Variants in ZYX observed in about 807,000 individuals in gnomAD.
ZYX encodes zyxin-2.
ZYX carries 37 observed loss-of-function variants against 58.1 expected under a neutral mutation model. That is an observed-to-expected ratio of 0.64 (90% CI 0.49 to 0.84). ZYX has a LOEUF of 0.84. Among genes scored for constraint, ZYX ranks in the 40% least tolerant of loss-of-function variants. ZYX has a pLI of 0.00. For synonymous variants in ZYX, 324 were observed against 321.1 expected (o/e 1.01, Z -0.10); for missense variants, 762 against 761.6 (o/e 1.00, Z -0.01).
chr7:143,382,629 G>T lies in ZYX; in HGVS notation c.445G>T (p.Asp149Tyr). Residue 149 changes from aspartate (D) to tyrosine (Y), a missense_variant, in exon 4 of 10, where the codon GAC (aspartate) becomes TAC (tyrosine). Coordinates refer to ENST00000322764, the MANE Select transcript of ZYX (RefSeq NM_003461.5). ...EKVSSIDLEI[D>Y]SLSSLLDDMT... ...GGTGAGCAGTATTGATTTGGAGATCGACTCTCTGTCCTCACTGCTGGATGA... is the reference window on the plus strand; with the variant it reads ...GGTGAGCAGTATTGATTTGGAGATCTACTCTCTGTCCTCACTGCTGGATGA... 4 of 1,614,062 alleles carry T rather than the reference G, an allele frequency of 2.5e-6. No homozygotes were observed. The highest frequency in any genetic ancestry group is 2.2e-5 in the East Asian group (1 of 44,866).
Position 143,384,849 on chromosome 7 carries a change from G to C in ZYX, c.1023+1527G>C, listed in dbSNP as rs11772895. Among the ~76,000 whole-genome samples, 35,395 of 152,036 alleles carry C rather than the reference G, an allele frequency of 0.23. 4,568 individuals are homozygous for C. Among genetic ancestry groups the C allele is most frequent in the Non-Finnish European group, 0.29 (19,659 of 67,954 alleles). ...AGGGGAAATGGTTTGGACGGGAAGA[G>C]GAGGGGTCCAGCTGTCAACGTTTTG... On this transcript the variant is annotated intron_variant, in intron 5 of 9. Coordinates refer to ENST00000322764, the MANE Select transcript of ZYX (RefSeq NM_003461.5). This position sits in a 1 kb window ranked among gnomAD's most constrained non-coding sequence, Gnocchi z 4.9.
At position 143,388,870 on chromosome 7, in the gene ZYX, G is replaced by A; in HGVS notation, c.1418G>A (p.Cys473Tyr). The A allele has an allele frequency of 6.2e-7, 1 of 1,613,918 alleles. No homozygotes were observed. Among genetic ancestry groups the A allele is most frequent in the Non-Finnish European group, 8.5e-7 (1 of 1,179,970 alleles). ...YHPHCFTCVV[C>Y]ARPLEGTSFI... ...CCGCACTGCTTCACCTGTGTGGTCT[G>A]CGCCCGCCCCCTGGAGGGCACCTCC... is the stretch of plus-strand genomic sequence containing the variant. Residue 473 changes from cysteine to tyrosine, a missense_variant, in exon 8 of 10, where the codon TGC (cysteine) becomes TAC (tyrosine). By Grantham distance (194) the Cys-to-Tyr change is radical (BLOSUM62 -2). Transcript: ENST00000322764. The surrounding 1 kb of genome is among the most constrained non-coding windows in gnomAD (Gnocchi z 7.5).
rs1805025969 is a variant in ZYX, at chr7:143,390,327, G to A, written c.1615-251G>A. The A allele has an allele frequency of 1.8e-6, 1 of 567,268 alleles. No individual in the cohort carries two copies. Among genetic ancestry groups the A allele is most frequent in the Admixed American group, 3.1e-5 (1 of 32,508 alleles). 35.1% of individuals were successfully genotyped at this position (567,268 alleles called of 1,614,324 possible). ...GAGCCAACCTCTATTTTATTAGGGT[G>A]GTGGTGGGCAGGGGAGCAAGCACCT... On this transcript the variant is annotated intron_variant, in intron 9 of 9. Transcript: ENST00000322764. This position sits in a 1 kb window ranked among gnomAD's most constrained non-coding sequence, Gnocchi z 4.3.
rs1382492108 is a variant in ZYX at position 143,381,745 on chromosome 7, C to T, written c.174C>T (p.Gly58=). The part of the protein sequence containing the change: ...PAPGAQRAQM[G]RVGEIPPPPP... The stretch of plus-strand genomic sequence containing the variant: ...CCGGGGCCCAGCGCGCACAGATGGG[C>T]CGGGTGGGCGAGATTCCCCCGCCGC... Residue 58 remains glycine (G), a synonymous_variant, in exon 2 of 10, where the codon GGC becomes GGT. Coordinates refer to ENST00000322764, the MANE Select transcript of ZYX (RefSeq NM_003461.5). 1 of 1,590,916 alleles carries T rather than the reference C, an allele frequency of 6.3e-7. No homozygotes were observed.
In ZYX at chr7:143,384,738, G is replaced by T. The variant is rs1022277785; in HGVS notation, c.1023+1416G>T. On this transcript the variant is annotated intron_variant, in intron 5 of 9. Transcript: ENST00000322764. This position sits in a 1 kb window ranked among gnomAD's most constrained non-coding sequence, Gnocchi z 4.9. Reference sequence around the variant, plus strand: ...AGCAATTGGAAGACAAGGGTGAGGGGAAGAGGGAAAAAAAAGTCTCCAGCA... The same window carrying T: ...AGCAATTGGAAGACAAGGGTGAGGGTAAGAGGGAAAAAAAAGTCTCCAGCA... Among the ~76,000 whole-genome samples, 10 of 152,120 alleles carry T rather than the reference G, an allele frequency of 6.6e-5. No homozygotes were observed. The highest frequency in any genetic ancestry group is 2.4e-4 in the African/African-American group (10 of 41,420).
At chr7:143,385,656 A>ATTTTTTTT (rs1261838329) in intron 5 of ZYX, among the ~76,000 whole-genome samples, 2 of 93,280 alleles carry the variant, frequency 2.1e-5, no homozygotes, top group African/African-American at 3.9e-5. Flanking sequence ...GTGGTGTGGT[A>ATTTTTTTT]TATCTTTTTT....
At chr7:143,385,658 A>ATTTTTTTTT (rs1804832372) in intron 5 of ZYX, among the ~76,000 whole-genome samples, 3 of 80,568 alleles carry the variant, frequency 3.7e-5, no homozygotes, top group East Asian at 5.9e-4. Flanking sequence ...GGTGTGGTAT[A>ATTTTTTTTT]TCTTTTTTTT....
chr7:143,390,479 C>A lies in ZYX; in HGVS notation c.1615-99C>A. The A allele has an allele frequency of 1.2e-6, 1 of 868,904 alleles. No homozygotes were observed. The highest frequency in any genetic ancestry group is 1.8e-6 in the Non-Finnish European group (1 of 550,852). 53.8% of individuals were successfully genotyped at this position (868,904 alleles called of 1,614,324 possible). On this transcript the variant is annotated intron_variant, in intron 9 of 9. Coordinates refer to ENST00000322764, the MANE Select transcript of ZYX (RefSeq NM_003461.5). The surrounding 1 kb of genome is among the most constrained non-coding windows in gnomAD (Gnocchi z 4.3). ...ATGACACCAGCTCTGAGCCATGAAGCATCTTTCTAATTCCAAGATGGAGCT... is the reference window on the plus strand; with the variant it reads ...ATGACACCAGCTCTGAGCCATGAAGAATCTTTCTAATTCCAAGATGGAGCT...
At position 143,387,128 on chromosome 7, in the gene ZYX, C is replaced by A. The variant is rs1804889232; in HGVS notation, c.1024-1091C>A. Among the ~76,000 whole-genome samples the A allele has an allele frequency of 6.6e-6, 1 of 152,076 alleles. No individual in the cohort carries two copies. The highest frequency in any genetic ancestry group is 1.5e-5 in the Non-Finnish European group (1 of 68,028). On this transcript the variant is annotated intron_variant, in intron 5 of 9. Coordinates refer to ENST00000322764, the MANE Select transcript of ZYX (RefSeq NM_003461.5). This position sits in a 1 kb window ranked among gnomAD's most constrained non-coding sequence, Gnocchi z 5.8. ...CGAGTCAGTTAAGAGATGGTAGGAT[C>A]TTAAGGGAAGATGGCTAAGATCTTA...
At position 143,383,079 on chromosome 7, in the gene ZYX, G is replaced by C; in HGVS notation, c.780G>C (p.Pro260=). The C allele has an allele frequency of 6.8e-6, 11 of 1,614,134 alleles. No homozygotes were observed. Among genetic ancestry groups the C allele is most frequent in the Non-Finnish European group, 9.3e-6 (11 of 1,180,036 alleles). Reference sequence around the variant, plus strand: ...CCCGAGGGCCCCCAGCCTCATCTCCGGCTCCAGCCCCTAAGTTTTCTCCAG... The same window carrying C: ...CCCGAGGGCCCCCAGCCTCATCTCCCGCTCCAGCCCCTAAGTTTTCTCCAG... ...TQPRGPPASS[P]APAPKFSPVT... The change falls in exon 5 of 10, where the codon CCG becomes CCC. Residue 260 remains proline (P), a synonymous_variant. Coordinates refer to ENST00000322764, the MANE Select transcript of ZYX (RefSeq NM_003461.5).
chr7:143,385,062 G>A (rs960389242), intron 5 of ZYX, among the ~76,000 whole-genome samples: 1 of 152,132 alleles, frequency 6.6e-6, no homozygotes, highest in Non-Finnish European at 1.5e-5. Flanking sequence ...CAGGAGGTGC[G>A]GGAAGAAGAG....
At chr7:143,386,566 A>C (rs1804874176) in intron 5 of ZYX, among the ~76,000 whole-genome samples, 2 of 152,066 alleles carry the variant, frequency 1.3e-5, no homozygotes, top group African/African-American at 4.8e-5. Context: ...AGAAACAGGA[A>C]GAGGGTGGTG....
Position 143,388,278 on chromosome 7 carries a change from G to C in ZYX, c.1083G>C (p.Gln361His). The C allele has an allele frequency of 2.5e-6, 4 of 1,613,644 alleles. No individual in the cohort carries two copies. Among genetic ancestry groups the C allele is most frequent in the Non-Finnish European group, 3.4e-6 (4 of 1,179,774 alleles). The change falls in exon 6 of 10, where the codon CAG becomes CAC. Residue 361 changes from glutamine (Q) to histidine (H), a missense_variant. Physicochemically the swap from Gln to His is conservative, Grantham distance 24. Coordinates refer to ENST00000322764, the MANE Select transcript of ZYX (RefSeq NM_003461.5). The surrounding 1 kb of genome is among the most constrained non-coding windows in gnomAD (Gnocchi z 7.5). ...LTLKEVEELEQLTQQLMQDME... is the reference protein window; with the variant it reads ...LTLKEVEELEHLTQQLMQDME... ...TGAAGGAGGTGGAGGAGCTGGAGCA[G>C]CTGACCCAGCAGCTAATGCAGGACA...
In ZYX at chr7:143,390,192, G is replaced by C. The variant is rs953661944; in HGVS notation, c.1614+215G>C. On this transcript the variant is annotated intron_variant, in intron 9 of 9. Coordinates refer to ENST00000322764, the MANE Select transcript of ZYX (RefSeq NM_003461.5). This position sits in a 1 kb window ranked among gnomAD's most constrained non-coding sequence, Gnocchi z 4.3. Reference sequence around the variant, plus strand: ...GCTTCTGAGGTCACTTTGAGTCATGGATAAGCCAAGAAATGGGACAAGCCA... The same window carrying C: ...GCTTCTGAGGTCACTTTGAGTCATGCATAAGCCAAGAAATGGGACAAGCCA... 6 of 616,654 alleles carry C rather than the reference G, an allele frequency of 9.7e-6. No homozygotes were observed. The highest frequency in any genetic ancestry group is 1.4e-5 in the Non-Finnish European group (5 of 360,916). 38.2% of individuals were successfully genotyped at this position (616,654 alleles called of 1,614,324 possible). A position where few individuals can be genotyped will look rare whatever the true frequency, so the allele number is the denominator to read the frequency against.
At position 143,382,243 on chromosome 7, in the gene ZYX, C is replaced by T. The variant is rs370831254; in HGVS notation, c.209-5C>T. The T allele has an allele frequency of 6.2e-7, 1 of 1,611,916 alleles. No individual in the cohort carries two copies. Among genetic ancestry groups the T allele is most frequent in the South Asian group, 1.1e-5 (1 of 90,886 alleles). On this transcript the variant is annotated splice_region_variant and splice_polypyrimidine_tract_variant and intron_variant, in intron 2 of 9. Coordinates refer to ENST00000322764, the MANE Select transcript of ZYX (RefSeq NM_003461.5). ...CGGCCGACGTCTTTCTCCTTCCTAC[C>T]CCAGACTTTCCCCTGCCTCCACCTC...
intron 1 of ZYX, 28 bp downstream of exon 1, chr7:143,381,437 C>T (rs1341874727): frequency 7.8e-7 from 1 of 1,279,172 alleles, no homozygotes; most frequent in African/African-American, 1.6e-5. Context: ...GCAGGGCGGC[C>T]CCACGGGGAG....
Position 143,382,448 on chromosome 7 carries a change from G to A in ZYX, c.408+1G>A, listed in dbSNP as rs1283052336. The A allele has an allele frequency of 6.3e-7, 1 of 1,599,462 alleles. No homozygotes were observed. The highest frequency in any genetic ancestry group is 8.5e-7 in the Non-Finnish European group (1 of 1,173,014). ...GGCCCCCATACCGCCCCCACCACAG[G>A]TACGGAGGCCTGGGAGGGGCGGCTG... On this transcript the variant is annotated splice_donor_variant, in intron 3 of 9. Coordinates refer to ENST00000322764, the MANE Select transcript of ZYX (RefSeq NM_003461.5). LOFTEE classifies it high-confidence loss of function.
At position 143,382,089 on chromosome 7, in the gene ZYX, C is replaced by T. The variant is rs1051282581; in HGVS notation, c.209-159C>T. 37 of 659,416 alleles carry T rather than the reference C, an allele frequency of 5.6e-5. No homozygotes were observed. In the South Asian group the frequency reaches 6.7e-4, roughly 12 times the overall value. 40.8% of individuals were successfully genotyped at this position (659,416 alleles called of 1,614,324 possible). On this transcript the variant is annotated intron_variant, in intron 2 of 9. Transcript: ENST00000322764. The stretch of plus-strand genomic sequence containing the variant: ...GGCAGTGCGCCCGGCCTTTCCTGAC[C>T]TGGTACTCCCAGGGCGCCCTGCGCC...
rs1045254879 is a variant in ZYX, at chr7:143,391,111, A to G, written c.*429A>G. 6.2e-6 allele frequency: 2 copies of G among 320,772 alleles called. No individual in the cohort carries two copies. Among genetic ancestry groups the G allele is most frequent in the Non-Finnish European group, 1.2e-5 (2 of 172,126 alleles). The allele number at this position is 320,772 out of a possible 1,614,324, so 19.9% of individuals were successfully genotyped here. On this transcript the variant is annotated 3_prime_UTR_variant, in exon 10 of 10. Coordinates refer to ENST00000322764, the MANE Select transcript of ZYX (RefSeq NM_003461.5). ...ATAAAAAAAAACCTTGTTTTCCAGA[A>G]TTCTCAGTAGTCAGCTCTTTTGTAG...
Sources: allele counts gnomAD v4.1 joint callset (sites outside exome capture counted in the v4.1 genomes callset), GRCh38; gene constraint gnomAD v4.1.1; non-coding constraint Gnocchi (gnomAD v3.1); transcripts MANE v1.5; gene names NCBI Gene and HGNC (gene_info 2026-07-23, HGNC 2026-07-21).